Variants in KCNH7 observed in about 807,000 individuals in gnomAD.
KCNH7 encodes the protein potassium voltage-gated channel subfamily H member 7.
In KCNH7, 49 loss-of-function variants were observed where a neutral mutation model predicts 120.8. The ratio of observed to expected loss-of-function variants is 0.41; its 90% confidence interval spans 0.32 to 0.51. KCNH7 has a LOEUF of 0.51. KCNH7 is among the 20% of genes least tolerant of loss of function. The pLI is 0.38. For missense variants in KCNH7, 1,097 were observed against 1,446.6 expected, an observed-to-expected ratio of 0.76 and a Z score of 3.92; for synonymous variants, 547 against 516.1, an observed-to-expected ratio of 1.06 and a Z score of -0.81.
chr2:162,599,554 A>G (rs560748563), intron 2 of KCNH7, among the ~76,000 whole-genome samples: 1 of 151,902 alleles, frequency 6.6e-6, no homozygotes, highest in South Asian at 2.1e-4. Flanking sequence ...GTATTCCAAA[A>G]TTTCCAAATT....
At chr2:162,832,632 A>G (rs1472165750) in intron 2 of KCNH7, among the ~76,000 whole-genome samples, 1 of 152,132 alleles carries the variant, frequency 6.6e-6, no homozygotes, top group Non-Finnish European at 1.5e-5. Context: ...ACTCTGTAAT[A>G]CAAATGTCCT....
At chr2:162,735,941 T>A (rs1476442793) in intron 2 of KCNH7, among the ~76,000 whole-genome samples, 1 of 152,200 alleles carries the variant, frequency 6.6e-6, no homozygotes, top group Non-Finnish European at 1.5e-5. Flanking sequence ...CAGCAGAGCC[T>A]CATGGTCAAG....
intron 2 of KCNH7, among the ~76,000 whole-genome samples, chr2:162,584,193 TA>T (rs1693957735): frequency 6.6e-6 from 1 of 152,152 alleles, no homozygotes; most frequent in Non-Finnish European, 1.5e-5. Flanking sequence ...TATAGGCCTC[TA>T]ATACCATATG....
chr2:162,509,793 T>C (rs1379932286), intron 5 of KCNH7, among the ~76,000 whole-genome samples: 1 of 151,530 alleles, frequency 6.6e-6, no homozygotes, highest in Non-Finnish European at 1.5e-5. Flanking sequence ...AGAGAGGAGA[T>C]AAAAGCTGTA....
intron 2 of KCNH7, among the ~76,000 whole-genome samples, chr2:162,811,937 G>T (rs1322805743): frequency 6.6e-6 from 1 of 152,034 alleles, no homozygotes; most frequent in Non-Finnish European, 1.5e-5. Context: ...CAAACCATAG[G>T]GTCATGACAG....
rs202025946 is a variant in KCNH7 at position 162,731,232 on chromosome 2, A to G, written c.307+105305T>C. Among the ~76,000 whole-genome samples, 1,009 of 143,316 alleles carry G rather than the reference A, an allele frequency of 7.0e-3. 4 individuals are homozygous for G. The highest frequency in any genetic ancestry group is 0.011 in the Non-Finnish European group (713 of 66,124). The allele number at this position is 143,316 out of a possible 152,430, so 94.0% of individuals were successfully genotyped here. On this transcript the variant is annotated intron_variant, in intron 2 of 15. Coordinates refer to ENST00000332142, the MANE Select transcript of KCNH7 (RefSeq NM_033272.4). ...CCTGCATACATACATATATATATAT[A>G]TGTGTGTGTGTGTGTGTATAATATT...
intron 6 of KCNH7, among the ~76,000 whole-genome samples, chr2:162,455,192 T>C (rs977316087): frequency 5.9e-5 from 9 of 152,162 alleles, no homozygotes; most frequent in Non-Finnish European, 4.4e-5. Context: ...TCTACTGAGA[T>C]GATGTGAATT....
intron 2 of KCNH7, among the ~76,000 whole-genome samples, chr2:162,579,359 G>C (rs543351424): frequency 1.3e-5 from 2 of 152,054 alleles, no homozygotes; most frequent in African/African-American, 4.8e-5. Flanking sequence ...TTCAGCTTTG[G>C]TTCCTGTAGA....
intron 2 of KCNH7, among the ~76,000 whole-genome samples, chr2:162,747,255 A>C (rs79167313): frequency 2.0e-5 from 3 of 152,148 alleles, no homozygotes; most frequent in Admixed American, 6.5e-5. Context: ...AAAACTGTGA[A>C]TCTTAAAAAG....
At chr2:162,494,661 T>C (rs1056246658) in intron 6 of KCNH7, among the ~76,000 whole-genome samples, 4 of 152,200 alleles carry the variant, frequency 2.6e-5, no homozygotes, top group Non-Finnish European at 4.4e-5. Context: ...TGACTGTAAC[T>C]ATCCTGGGTA....
intron 2 of KCNH7, among the ~76,000 whole-genome samples, chr2:162,620,586 C>T (rs1366386229): frequency 6.6e-6 from 1 of 152,086 alleles, no homozygotes; most frequent in Non-Finnish European, 1.5e-5. Flanking sequence ...CTCAAATTTA[C>T]AACTTAGATC....
At chr2:162,557,240 C>A (rs566779058) in intron 2 of KCNH7, among the ~76,000 whole-genome samples, 1 of 152,282 alleles carries the variant, frequency 6.6e-6, no homozygotes, top group Non-Finnish European at 1.5e-5. Flanking sequence ...GCAATATGAA[C>A]TGGAATGTTT....
chr2:162,428,392 G>T (rs1558939620), intron 8 of KCNH7, among the ~76,000 whole-genome samples: 1 of 150,890 alleles, frequency 6.6e-6, no homozygotes, highest in South Asian at 2.1e-4. Flanking sequence ...TCTATGGTCA[G>T]ATAAATACTT....
chr2:162,721,610 G>A (rs1305258657), intron 2 of KCNH7, among the ~76,000 whole-genome samples: 2 of 151,988 alleles, frequency 1.3e-5, no homozygotes, highest in Non-Finnish European at 2.9e-5. Context: ...TTAACCATTT[G>A]GTTGCCTTAG....
At chr2:162,496,062 G>A (rs746465083) in intron 6 of KCNH7, among the ~76,000 whole-genome samples, 14 of 152,052 alleles carry the variant, frequency 9.2e-5, no homozygotes, top group Non-Finnish European at 1.6e-4. Context: ...TTCAAATGGC[G>A]ATGCAAATGA....
At chr2:162,695,375 A>G (rs1686253976) in intron 2 of KCNH7, among the ~76,000 whole-genome samples, 1 of 152,188 alleles carries the variant, frequency 6.6e-6, no homozygotes, top group Non-Finnish European at 1.5e-5. Flanking sequence ...CCCAAATCCC[A>G]ACATCAAGAT....
At chr2:162,567,643 A>G (rs1207705661) in intron 2 of KCNH7, among the ~76,000 whole-genome samples, 2 of 152,022 alleles carry the variant, frequency 1.3e-5, no homozygotes, top group Non-Finnish European at 2.9e-5. Flanking sequence ...TGCAGGCTTT[A>G]TAAGAGTACT....
chr2:162,575,610 T>G (rs1170910611), intron 2 of KCNH7, among the ~76,000 whole-genome samples: 1 of 152,090 alleles, frequency 6.6e-6, no homozygotes, highest in African/African-American at 2.4e-5. Flanking sequence ...TATGTTATAT[T>G]TCTACCAGCA....
intron 2 of KCNH7, among the ~76,000 whole-genome samples, chr2:162,658,686 T>C (rs1158477028): frequency 6.6e-6 from 1 of 152,200 alleles, no homozygotes; most frequent in Non-Finnish European, 1.5e-5. Flanking sequence ...AGAGGTTGTA[T>C]ATATTTTGTT....
Sources: allele counts gnomAD v4.1 joint callset (sites outside exome capture counted in the v4.1 genomes callset), GRCh38; gene constraint gnomAD v4.1.1; transcripts MANE v1.5; gene names NCBI Gene and HGNC (gene_info 2026-07-23, HGNC 2026-07-21).